Variants in HIVEP3 observed in about 807,000 individuals in gnomAD.
HIVEP3 encodes transcription factor HIVEP3.
A neutral mutation model predicts 152.8 loss-of-function variants in HIVEP3; 49 were observed. That is an observed-to-expected ratio of 0.32 (90% CI 0.26 to 0.41). HIVEP3 has a LOEUF of 0.41. Among genes scored for constraint, HIVEP3 ranks in the 10% least tolerant of loss-of-function variants. HIVEP3 has a pLI of 1.00. For missense variants in HIVEP3, 2,790 were observed against 3,103.3 expected (o/e 0.90, Z 2.40); for synonymous variants, 1,269 against 1,289.0 (o/e 0.98, Z 0.33).
At chr1:41,752,581 A>G (rs1243109223) in intron 1 of HIVEP3, among the ~76,000 whole-genome samples, 1 of 152,238 alleles carries the variant, frequency 6.6e-6, no homozygotes, top group African/African-American at 2.4e-5. Flanking sequence ...AGCAGTTCTC[A>G]AAGTATGGTT....
At chr1:41,641,644 A>G (rs1645374429) in intron 2 of HIVEP3, among the ~76,000 whole-genome samples, 1 of 152,122 alleles carries the variant, frequency 6.6e-6, no homozygotes, top group Non-Finnish European at 1.5e-5. Context: ...GTCACCACCT[A>G]TATGTGGGCT....
chr1:41,835,578 A>G (rs765197619), intron 1 of HIVEP3, among the ~76,000 whole-genome samples: 1 of 152,262 alleles, frequency 6.6e-6, no homozygotes, highest in Non-Finnish European at 1.5e-5. Context: ...TTCCTATCAA[A>G]TTAGATTTTA....
At chr1:41,600,720 A>G (rs1254794017) in intron 3 of HIVEP3, among the ~76,000 whole-genome samples, 1 of 152,202 alleles carries the variant, frequency 6.6e-6, no homozygotes, top group Non-Finnish European at 1.5e-5. Flanking sequence ...AAATAGCAAA[A>G]GATTTTAACA....
intron 1 of HIVEP3, among the ~76,000 whole-genome samples, chr1:42,028,829 G>A (rs529320342): frequency 4.6e-5 from 7 of 152,206 alleles, no homozygotes; most frequent in Admixed American, 2.0e-4. Context: ...TGACAGGTAA[G>A]ATAAATGGGT....
At chr1:41,547,045 T>C (rs1043797795) in intron 5 of HIVEP3, among the ~76,000 whole-genome samples, 1 of 152,316 alleles carries the variant, frequency 6.6e-6, no homozygotes, top group African/African-American at 2.4e-5. Context: ...TGGCTTTTCA[T>C]GACAGCCCTG....
intron 1 of HIVEP3, among the ~76,000 whole-genome samples, chr1:41,899,310 G>A (rs951348704): frequency 3.3e-5 from 5 of 152,184 alleles, no homozygotes; most frequent in Non-Finnish European, 7.3e-5. Context: ...CAGAAGAGTA[G>A]GATGTCTACC....
chr1:41,932,284 AT>A (rs956944834), intron 1 of HIVEP3, among the ~76,000 whole-genome samples: 14 of 151,394 alleles, frequency 9.2e-5, no homozygotes, highest in African/African-American at 2.7e-4. Flanking sequence ...CTAGCCTTGC[AT>A]TTTTTTGTTT....
intron 1 of HIVEP3, among the ~76,000 whole-genome samples, chr1:41,889,631 A>G (rs1002413090): frequency 6.6e-6 from 1 of 152,192 alleles, no homozygotes; most frequent in African/African-American, 2.4e-5. Flanking sequence ...AGAGTATGAA[A>G]GCCCGGCAGG....
rs1337993309 is a variant in HIVEP3, at chr1:41,555,610, T to C, written c.5207+19934A>G. Among the ~76,000 whole-genome samples, 4 of 152,240 alleles carry C rather than the reference T, an allele frequency of 2.6e-5. No homozygotes were observed. The East Asian group carries it at 7.7e-4, about 29-fold the overall frequency. On this transcript the variant is annotated intron_variant, in intron 5 of 8. Coordinates refer to ENST00000372583, the MANE Select transcript of HIVEP3 (RefSeq NM_024503.5). ...GCTGGGAGCTGCAGACCACAGCTGT[T>C]CCTATTTGGCCATCTTGGAACTGCC...
chr1:41,557,995 C>T (rs981323019), intron 5 of HIVEP3, among the ~76,000 whole-genome samples: 7 of 152,152 alleles, frequency 4.6e-5, no homozygotes, highest in Non-Finnish European at 7.3e-5. Context: ...AGCTTACAGA[C>T]GAACAAATGG....
intron 1 of HIVEP3, among the ~76,000 whole-genome samples, chr1:41,892,367 G>C (rs2124442368): frequency 6.6e-6 from 1 of 152,310 alleles, no homozygotes; most frequent in Non-Finnish European, 1.5e-5. Flanking sequence ...TACAAATGGG[G>C]CTTTGAGAGC....
At chr1:42,029,689 C>T (rs1354316532) in intron 1 of HIVEP3, among the ~76,000 whole-genome samples, 1 of 152,184 alleles carries the variant, frequency 6.6e-6, no homozygotes, top group Admixed American at 6.5e-5. Context: ...AATGTTGTTG[C>T]TTGTGAACCT....
rs888243957 is a variant in HIVEP3 at position 41,918,292 on chromosome 1, A to T, written c.-801+121T>A. The T allele has an allele frequency of 2.0e-5, 3 of 153,090 alleles. No individual in the cohort carries two copies. The highest frequency in any genetic ancestry group is 4.4e-5 in the Non-Finnish European group (3 of 68,408). The allele number at this position is 153,090 out of a possible 1,614,324, so 9.5% of individuals were successfully genotyped here. A position where few individuals can be genotyped will look rare whatever the true frequency, so the allele number is the denominator to read the frequency against. ...GACACCTTGCCTAAGAAAGGCATAC[A>T]CAAAATGGAATCGCAGCTCGCTATT... On this transcript the variant is annotated intron_variant, in intron 1 of 8. Transcript: ENST00000372583. This position sits in a 1 kb window ranked among gnomAD's most constrained non-coding sequence, Gnocchi z 4.3.
chr1:41,646,239 C>T (rs909019159), intron 2 of HIVEP3, among the ~76,000 whole-genome samples: 8 of 152,172 alleles, frequency 5.3e-5, no homozygotes, highest in African/African-American at 1.9e-4. Context: ...TGTTTAACCT[C>T]CAGCCTATGG....
At chr1:41,545,037 A>T (rs1558047517) in intron 5 of HIVEP3, among the ~76,000 whole-genome samples, 9 of 63,052 alleles carry the variant, frequency 1.4e-4, no homozygotes, top group Admixed American at 1.3e-4. Flanking sequence ...CACCACCACC[A>T]ATACCACTAC....
intron 1 of HIVEP3, among the ~76,000 whole-genome samples, chr1:41,708,253 G>T (rs572095464): frequency 3.3e-5 from 5 of 152,328 alleles, no homozygotes; most frequent in African/African-American, 1.2e-4. Flanking sequence ...CACATGGGAA[G>T]GCATGCCAGT....
chr1:41,619,472 T>C (rs932258468), intron 3 of HIVEP3, among the ~76,000 whole-genome samples: 9 of 152,196 alleles, frequency 5.9e-5, no homozygotes, highest in Admixed American at 1.3e-4. Flanking sequence ...GTAGTGACGA[T>C]ATGTTTGTCT....
At chr1:41,562,601 T>TTCTCTCTCTCTC (rs72509109) in intron 5 of HIVEP3, among the ~76,000 whole-genome samples, 1 of 126,176 alleles carries the variant, frequency 7.9e-6, no homozygotes, top group Non-Finnish European at 1.6e-5. Context: ...CTTCCTTTCT[T>TTCTCTCTCTCTC]TCTCTCTCTC....
At chr1:41,612,581 T>C (rs1200597381) in intron 3 of HIVEP3, among the ~76,000 whole-genome samples, 1 of 152,184 alleles carries the variant, frequency 6.6e-6, no homozygotes, top group Non-Finnish European at 1.5e-5. Flanking sequence ...CTGGGCTGGA[T>C]CCACAGCTCA....
Sources: gnomAD v4.1 joint callset for allele counts (sites outside exome capture counted in the v4.1 genomes callset) on GRCh38, gnomAD v4.1.1 for gene constraint, Gnocchi (gnomAD v3.1) non-coding constraint, MANE v1.5 for transcripts, NCBI Gene and HGNC (gene_info 2026-07-23, HGNC 2026-07-21) for gene names.